Variants in DNAH12 observed in about 807,000 individuals in gnomAD.
DNAH12 encodes axonemal beta dynein heavy chain 12.
In DNAH12, 285 loss-of-function variants were observed where a neutral mutation model predicts 371.5. That is an observed-to-expected ratio of 0.77 (90% CI 0.70 to 0.85). The LOEUF (loss-of-function observed/expected upper bound fraction) is 0.85. DNAH12 is among the 40% of genes least tolerant of loss of function. The probability of loss-of-function intolerance (pLI) is 0.00; values close to 1 mark genes in which losing one functional copy is unlikely to be tolerated. For synonymous variants in DNAH12, 1,200 were observed against 1,213.0 expected, an observed-to-expected ratio of 0.99 and a Z score of 0.22; for missense variants, 3,611 against 3,689.4, an observed-to-expected ratio of 0.98 and a Z score of 0.55.
At chr3:57,401,810 G>GTATTTCT (rs2063877523) in intron 43 of DNAH12, among the ~76,000 whole-genome samples, 1 of 152,020 alleles carries the variant, frequency 6.6e-6, no homozygotes, top group Non-Finnish European at 1.5e-5. Flanking sequence ...AGCACACTCT[G>GTATTTCT]GTAGCACAAC....
intron 52 of DNAH12, among the ~76,000 whole-genome samples, chr3:57,377,509 GAGA>G (rs1343421345): frequency 6.6e-6 from 1 of 151,942 alleles, no homozygotes; most frequent in African/African-American, 2.4e-5. Flanking sequence ...TCAAAATAAT[GAGA>G]AGGTGTCACT....
At chr3:57,321,547 A>G (rs896119092) in intron 65 of DNAH12, among the ~76,000 whole-genome samples, 1 of 152,104 alleles carries the variant, frequency 6.6e-6, no homozygotes. Context: ...CCGGACTGGT[A>G]AACTTGGGGA....
chr3:57,363,433 T>G (rs1166200761), intron 58 of DNAH12, among the ~76,000 whole-genome samples, 161 bp downstream of exon 58: 1 of 152,210 alleles, frequency 6.6e-6, no homozygotes, highest in Admixed American at 6.5e-5. Context: ...GATATTCTCT[T>G]ATGAGTTTAA....
intron 68 of DNAH12, 83 bp downstream of exon 68, chr3:57,309,583 G>A (rs1399089773): frequency 1.6e-6 from 2 of 1,246,676 alleles, no homozygotes; most frequent in East Asian, 5.4e-5. Context: ...AGATCATAAT[G>A]CTAGTACATG....
intron 45 of DNAH12, among the ~76,000 whole-genome samples, chr3:57,390,424 A>AAAAAAAAATATATATATATATAT: frequency 6.0e-5 from 2 of 33,420 alleles, no homozygotes; most frequent in Non-Finnish European, 7.0e-5. Flanking sequence ...AAAAAAAAAA[A>AAAAAAAAATATATATATATATAT]ATATATATAT....
intron 4 of DNAH12, chr3:57,519,989 C>A (rs1057354406): frequency 1.2e-6 from 1 of 805,090 alleles, no homozygotes; most frequent in South Asian, 1.4e-5. Context: ...TAGGGTTCCT[C>A]GCCGTCTTCC....
At chr3:57,400,887 C>T (rs1010242739) in intron 43 of DNAH12, among the ~76,000 whole-genome samples, 8 of 152,190 alleles carry the variant, frequency 5.3e-5, no homozygotes, top group African/African-American at 1.7e-4. Flanking sequence ...TTACCAAACA[C>T]TCCATCCAGC....
intron 73 of DNAH12, among the ~76,000 whole-genome samples, 162 bp downstream of exon 73, chr3:57,295,361 CAA>C (rs1160454755): frequency 3.9e-5 from 6 of 152,116 alleles, no homozygotes; most frequent in African/African-American, 7.2e-5. Flanking sequence ...GCCATACACA[CAA>C]AGAGATAATA....
chr3:57,511,035 C>T, intron 4 of DNAH12, 56 bp from the exon 5 acceptor site: 2 of 1,242,790 alleles, frequency 1.6e-6, no homozygotes, highest in South Asian at 3.4e-5. Flanking sequence ...TTCAGTGTAA[C>T]TCCTGAACTC....
intron 13 of DNAH12, among the ~76,000 whole-genome samples, chr3:57,476,017 A>G (rs950607497): frequency 6.6e-6 from 1 of 152,238 alleles, no homozygotes; most frequent in African/African-American, 2.4e-5. Flanking sequence ...CCAGAACAGT[A>G]AAATTTTTAA....
intron 30 of DNAH12, among the ~76,000 whole-genome samples, chr3:57,436,115 G>C (rs929213221): frequency 6.6e-6 from 1 of 151,814 alleles, no homozygotes; most frequent in Non-Finnish European, 1.5e-5. Flanking sequence ...GCCCCTCTCA[G>C]GTAGCAAAAA....
At chr3:57,472,864 C>T (rs2153381030) in intron 13 of DNAH12, among the ~76,000 whole-genome samples, 193 bp from the exon 14 acceptor site, 1 of 152,210 alleles carries the variant, frequency 6.6e-6, no homozygotes, top group African/African-American at 2.4e-5. Flanking sequence ...TGCTTCATGC[C>T]ACATAATTGT....
In DNAH12 at chr3:57,537,825, C is replaced by T. The variant is rs560690815; in HGVS notation, c.170+4876G>A. Among the ~76,000 whole-genome samples, 4 of 152,056 alleles carry T rather than the reference C, an allele frequency of 2.6e-5. No individual in the cohort carries two copies. In the South Asian group the frequency reaches 8.3e-4, roughly 32 times the overall value. Reference sequence around the variant, plus strand: ...TCAGCCTCCCGAGTAGCTAGGACTACAGGCATGCACTACCACGCCCAGCTA... The same window carrying T: ...TCAGCCTCCCGAGTAGCTAGGACTATAGGCATGCACTACCACGCCCAGCTA... On this transcript the variant is annotated intron_variant, in intron 2 of 73. Coordinates refer to ENST00000495027, the MANE Select transcript of DNAH12 (RefSeq NM_001366028.2).
rs1173239161 is a variant in DNAH12 at position 57,408,367 on chromosome 3, T to C, written c.6189A>G (p.Ser2063=). The stretch of plus-strand genomic sequence containing the variant: ...TTCTAAGGTAGAATGCTACAATAGA[T>C]GAGAAGATTCGGACCATAGTTTCAT... The part of the protein sequence containing the change: ...FSDETMVRIF[S]SIVAFYLRTH... Residue 2063 remains serine (S), a synonymous_variant, in exon 40 of 74, where the codon TCA becomes TCG. Transcript: ENST00000495027. 1.9e-6 allele frequency: 3 copies of C among 1,551,600 alleles called. No homozygotes were observed. The highest frequency in any genetic ancestry group is 1.7e-6 in the Non-Finnish European group (2 of 1,146,914).
chr3:57,479,184 G>A (rs553980913), intron 13 of DNAH12, among the ~76,000 whole-genome samples: 31 of 152,134 alleles, frequency 2.0e-4, no homozygotes, highest in East Asian at 1.7e-3. Flanking sequence ...CCCATCTCAC[G>A]TGCAGAGACA....
chr3:57,437,157 A>T (rs956095289), intron 29 of DNAH12, 97 bp from the exon 30 acceptor site: 2 of 766,942 alleles, frequency 2.6e-6, no homozygotes, highest in South Asian at 3.8e-5. Flanking sequence ...GTTAAAAAAA[A>T]ACTATCATCA....
At chr3:57,352,814 C>T (rs896561679) in intron 59 of DNAH12, among the ~76,000 whole-genome samples, 4 of 152,032 alleles carry the variant, frequency 2.6e-5, no homozygotes, top group South Asian at 2.1e-4. Flanking sequence ...AAAGGTCAGG[C>T]GCAGTGTCTC....
intron 39 of DNAH12, among the ~76,000 whole-genome samples, chr3:57,411,806 A>AT (rs1241877736): frequency 6.6e-6 from 1 of 152,170 alleles, no homozygotes; most frequent in East Asian, 1.9e-4. Context: ...CCAGCAAGTT[A>AT]TTTTTTGGAT....
At position 57,535,413 on chromosome 3, in the gene DNAH12, T is replaced by A. The variant is rs1240575908; in HGVS notation, c.170+7288A>T. Among the ~76,000 whole-genome samples the A allele has an allele frequency of 2.0e-5, 3 of 152,234 alleles. No homozygotes were observed. In the South Asian group the frequency reaches 6.2e-4, roughly 32 times the overall value. On this transcript the variant is annotated intron_variant, in intron 2 of 73. Transcript: ENST00000495027. Reference sequence around the variant, plus strand: ...CTCTGACTGTCTTGCCCTCTCACCATGTGATGCTTTCCATCATGTTATCAC... The same window carrying A: ...CTCTGACTGTCTTGCCCTCTCACCAAGTGATGCTTTCCATCATGTTATCAC...
Sources: gnomAD v4.1 joint callset for allele counts (sites outside exome capture counted in the v4.1 genomes callset) on GRCh38, gnomAD v4.1.1 for gene constraint, MANE v1.5 for transcripts, NCBI Gene and HGNC (gene_info 2026-07-23, HGNC 2026-07-21) for gene names.